The following CAMTA1 variants were observed in gnomAD, a reference collection of about 807,000 sequenced individuals.
The protein encoded by CAMTA1 is calmodulin-binding transcription activator 1.
In CAMTA1, 27 loss-of-function variants were observed where a neutral mutation model predicts 170.9. The observed-to-expected ratio is 0.16, with a 90% CI of 0.12 to 0.22. The LOEUF (loss-of-function observed/expected upper bound fraction) is 0.22, where lower values mean the gene tolerates loss of function less well. Among genes scored for constraint, CAMTA1 ranks in the 10% least tolerant of loss-of-function variants. CAMTA1 has a pLI of 1.00. For missense variants in CAMTA1, 1,619 were observed against 2,217.2 expected (o/e 0.73, Z 5.42); for synonymous variants, 833 against 891.5 (o/e 0.93, Z 1.17).
intron 1 of CAMTA1, among the ~76,000 whole-genome samples, chr1:6,808,893 T>C (rs1285209867): frequency 6.6e-6 from 1 of 152,138 alleles, no homozygotes; most frequent in Admixed American, 6.5e-5. Context: ...AATGTGGGCC[T>C]TGAGGGAAGG....
intron 6 of CAMTA1, among the ~76,000 whole-genome samples, chr1:7,492,599 G>GCACA (rs1327204408): frequency 0.11 from 15,637 of 146,078 alleles, 1,740 homozygotes; most frequent in African/African-American, 0.29. Flanking sequence ...ACACACGCGT[G>GCACA]CACACACACA....
At chr1:7,761,984 C>G (rs2096979875) in intron 22 of CAMTA1, among the ~76,000 whole-genome samples, 1 of 151,842 alleles carries the variant, frequency 6.6e-6, no homozygotes, top group African/African-American at 2.4e-5. Context: ...GATCCCCTGT[C>G]TAGACAAAAA....
chr1:7,330,441 G>A (rs1173623660), intron 5 of CAMTA1, among the ~76,000 whole-genome samples: 2 of 152,148 alleles, frequency 1.3e-5, no homozygotes, highest in Admixed American at 1.3e-4. Context: ...CTCCTCCTTG[G>A]CTGGGAAATG....
chr1:7,502,393 CA>C (rs1575670590), intron 6 of CAMTA1, among the ~76,000 whole-genome samples: 1 of 152,204 alleles, frequency 6.6e-6, no homozygotes, highest in East Asian at 1.9e-4. Flanking sequence ...ACGAGTTCTC[CA>C]GAGGAAATGC....
chr1:7,412,160 G>T (rs1451402591), intron 5 of CAMTA1, among the ~76,000 whole-genome samples: 2 of 152,098 alleles, frequency 1.3e-5, no homozygotes, highest in African/African-American at 4.8e-5. Flanking sequence ...GTCTATCGTT[G>T]TTGGACATTT....
intron 5 of CAMTA1, among the ~76,000 whole-genome samples, chr1:7,259,518 G>T (rs1355214005): frequency 2.0e-5 from 3 of 152,326 alleles, no homozygotes; most frequent in Non-Finnish European, 1.5e-5. Flanking sequence ...CTTTAATTTG[G>T]AAAGGATTGG....
At chr1:7,661,966 A>G (rs1035018392) in intron 8 of CAMTA1, 100 bp downstream of exon 8, 1 of 1,367,214 alleles carries the variant, frequency 7.3e-7, no homozygotes, top group Admixed American at 2.2e-5. Context: ...CATGACATCT[A>G]GTGAGGGAGG....
rs1361219570 is a variant in CAMTA1 at position 7,670,973 on chromosome 1, G to A, written c.2715G>A (p.Leu905=). ...WQEASNNYSC[L]FDQISVPASL... Reference sequence around the variant, plus strand: ...AAGCCAGCAATAACTACAGCTGCCTGTTTGACCAGATCTCAGTGCCTGCAT... The same window carrying A: ...AAGCCAGCAATAACTACAGCTGCCTATTTGACCAGATCTCAGTGCCTGCAT... The change falls in exon 10 of 23, where the codon CTG becomes CTA. Residue 905 remains leucine (L), a synonymous_variant. Coordinates refer to ENST00000303635, the MANE Select transcript of CAMTA1 (RefSeq NM_015215.4). The A allele has an allele frequency of 6.2e-7, 1 of 1,613,856 alleles. No homozygotes were observed. Among genetic ancestry groups the A allele is most frequent in the Admixed American group, 1.7e-5 (1 of 60,020 alleles).
At chr1:7,085,392 T>G (rs1558074573) in intron 3 of CAMTA1, among the ~76,000 whole-genome samples, 1 of 152,260 alleles carries the variant, frequency 6.6e-6, no homozygotes, top group Non-Finnish European at 1.5e-5. Flanking sequence ...TCAGCTCTGC[T>G]GTGTCAGCAG....
At position 7,429,227 on chromosome 1, in the gene CAMTA1, G is replaced by A. The variant is rs921806793; in HGVS notation, c.439-38603G>A. The stretch of plus-strand genomic sequence containing the variant: ...ATACTGGATACACAATTGGATACAC[G>A]TACCTCATATGGTGGTTGCGAGGTT... On this transcript the variant is annotated intron_variant, in intron 5 of 22. Coordinates refer to ENST00000303635, the MANE Select transcript of CAMTA1 (RefSeq NM_015215.4). Among the ~76,000 whole-genome samples, 10 of 152,344 alleles carry A rather than the reference G, an allele frequency of 6.6e-5. No homozygotes were observed. The South Asian group carries it at 8.3e-4, about 13-fold the overall frequency.
chr1:7,563,308 C>T (rs552684460), intron 6 of CAMTA1, among the ~76,000 whole-genome samples: 9 of 152,270 alleles, frequency 5.9e-5, no homozygotes, highest in East Asian at 3.9e-4. Context: ...CAACTCCTTA[C>T]GGAGAGGCAG....
chr1:7,067,175 G>A lies in CAMTA1; in HGVS notation c.235-24129G>A, dbSNP rs1238890853. On this transcript the variant is annotated intron_variant, in intron 3 of 22. Transcript: ENST00000303635. The surrounding 1 kb of genome is among the most constrained non-coding windows in gnomAD (Gnocchi z 4.3). ...GAGTGTTGGGAATTGGAAGGGCAGG[G>A]AGGTTGTTGGTAGGGCTGGTAAATC... 6.6e-6 allele frequency among the ~76,000 whole-genome samples: 1 copy of A among 152,336 alleles called. No homozygotes were observed. The highest frequency in any genetic ancestry group is 1.5e-5 in the Non-Finnish European group (1 of 68,036).
chr1:6,892,575 TC>T (rs1674729864), intron 3 of CAMTA1, among the ~76,000 whole-genome samples: 1 of 151,036 alleles, frequency 6.6e-6, no homozygotes, highest in Non-Finnish European at 1.5e-5. Flanking sequence ...AAATGAGTCT[TC>T]CAAGCAAATT....
intron 5 of CAMTA1, among the ~76,000 whole-genome samples, chr1:7,423,589 C>A (rs144710584): frequency 5.3e-5 from 8 of 152,028 alleles, no homozygotes; most frequent in African/African-American, 1.7e-4. Flanking sequence ...AGGTGAGATG[C>A]AACTACATAT....
At chr1:6,982,635 C>T (rs1445516760) in intron 3 of CAMTA1, among the ~76,000 whole-genome samples, 1 of 152,028 alleles carries the variant, frequency 6.6e-6, no homozygotes, top group Admixed American at 6.5e-5. Flanking sequence ...CCCAAAGTCA[C>T]AGGCAGCATG....
At chr1:7,587,536 T>C (rs1470406552) in intron 6 of CAMTA1, among the ~76,000 whole-genome samples, 1 of 152,132 alleles carries the variant, frequency 6.6e-6, no homozygotes, top group East Asian at 1.9e-4. Context: ...TTCTAAATTA[T>C]ACATTAAACT....
At chr1:7,568,988 C>G (rs1278440505) in intron 6 of CAMTA1, among the ~76,000 whole-genome samples, 6 of 150,986 alleles carry the variant, frequency 4.0e-5, no homozygotes, top group Admixed American at 6.6e-5. Context: ...ATCACTATCT[C>G]CATCATCATG....
chr1:6,860,319 T>C (rs1234870552), intron 3 of CAMTA1, among the ~76,000 whole-genome samples: 1 of 152,234 alleles, frequency 6.6e-6, no homozygotes, highest in Non-Finnish European at 1.5e-5. Context: ...ATGTTTAATA[T>C]AGCTGAACTT....
chr1:7,337,624 G>A (rs200890302), intron 5 of CAMTA1, among the ~76,000 whole-genome samples: 4 of 143,412 alleles, frequency 2.8e-5, no homozygotes, highest in Admixed American at 2.8e-4. Context: ...CAATGTGGGC[G>A]GTGGGCCTCA....
Sources: allele counts gnomAD v4.1 joint callset (sites outside exome capture counted in the v4.1 genomes callset), GRCh38; gene constraint gnomAD v4.1.1; non-coding constraint Gnocchi (gnomAD v3.1); transcripts MANE v1.5; gene names NCBI Gene and HGNC (gene_info 2026-07-23, HGNC 2026-07-21).